The following PTER variants were observed in gnomAD, a reference collection of about 807,000 sequenced individuals.
PTER encodes N-acetyltaurine hydrolase.
PTER carries 38 observed loss-of-function variants against 29.6 expected under a neutral mutation model. The observed-to-expected ratio is 1.28, with a 90% CI of 0.99 to 1.68. PTER has a LOEUF of 1.68. Among genes scored for constraint, PTER ranks in the 40% most tolerant of loss-of-function variants. The probability of loss-of-function intolerance (pLI) is 0.00; values close to 1 mark genes in which losing one functional copy is unlikely to be tolerated. For missense variants in PTER, 482 were observed against 427.8 expected (o/e 1.13, Z -1.12); for synonymous variants, 172 against 154.5 (o/e 1.11, Z -0.84).
chr10:16,451,108 C>T (rs370439154), intron 1 of PTER, among the ~76,000 whole-genome samples: 1 of 152,118 alleles, frequency 6.6e-6, no homozygotes, highest in East Asian at 1.9e-4. Flanking sequence ...TACAAGAGTC[C>T]GAAAGCTGAA....
chr10:16,489,491 T>A (rs1278823670), intron 3 of PTER, among the ~76,000 whole-genome samples: 1 of 152,106 alleles, frequency 6.6e-6, no homozygotes, highest in Admixed American at 6.6e-5. Context: ...TTTTTTGTTG[T>A]AACATCAGAC....
chr10:16,481,612 A>G (rs1257158549), intron 1 of PTER, among the ~76,000 whole-genome samples: 1 of 152,204 alleles, frequency 6.6e-6, no homozygotes, highest in Non-Finnish European at 1.5e-5. Context: ...TGAGAGCATT[A>G]GAGGAATCTC....
intron 3 of PTER, among the ~76,000 whole-genome samples, chr10:16,494,043 A>G (rs982023920): frequency 5.3e-5 from 8 of 152,088 alleles, no homozygotes; most frequent in African/African-American, 1.7e-4. Context: ...ATGAAATGTG[A>G]CATTTTAACA....
chr10:16,462,417 TG>T (rs75180866), intron 1 of PTER, among the ~76,000 whole-genome samples: 7,067 of 152,224 alleles, frequency 0.046, 263 homozygotes, highest in East Asian at 0.17. Context: ...TATATGATGG[TG>T]GCGTTTGTGT....
chr10:16,468,673 G>A (rs1315371932), intron 1 of PTER, among the ~76,000 whole-genome samples: 2 of 152,112 alleles, frequency 1.3e-5, no homozygotes, highest in Non-Finnish European at 2.9e-5. Flanking sequence ...TGATGGAAAA[G>A]ACATAAAACA....
chr10:16,485,976 G>T (rs373023010), intron 2 of PTER, among the ~76,000 whole-genome samples: 2 of 151,980 alleles, frequency 1.3e-5, no homozygotes, highest in Admixed American at 1.3e-4. Flanking sequence ...TGATACACGG[G>T]ACATAGATTC....
At chr10:16,480,280 C>G (rs1835430764) in intron 1 of PTER, among the ~76,000 whole-genome samples, 1 of 151,162 alleles carries the variant, frequency 6.6e-6, no homozygotes, top group Admixed American at 6.6e-5. Context: ...CCCTCCACCT[C>G]CCAGGTTCAA....
At chr10:16,472,621 C>T (rs1404796688) in intron 1 of PTER, among the ~76,000 whole-genome samples, 1 of 152,186 alleles carries the variant, frequency 6.6e-6, no homozygotes, top group Non-Finnish European at 1.5e-5. Flanking sequence ...TACCCAGTCT[C>T]AGTTATATCT....
downstream of PTER, chr10:16,513,883 G>A (rs551628985): frequency 6.4e-6 from 1 of 155,426 alleles, no homozygotes; most frequent in African/African-American, 2.4e-5. Flanking sequence ...CACCAGAAAA[G>A]AGAGAAAAGA....
intron 1 of PTER, among the ~76,000 whole-genome samples, chr10:16,459,821 C>T (rs952865758): frequency 7.2e-5 from 11 of 152,154 alleles, no homozygotes; most frequent in Admixed American, 2.6e-4. Flanking sequence ...CATCTTGGCT[C>T]ACCACAACCT....
chr10:16,477,087 G>A (rs1174011267), intron 1 of PTER, among the ~76,000 whole-genome samples: 1 of 151,876 alleles, frequency 6.6e-6, no homozygotes, highest in Non-Finnish European at 1.5e-5. Flanking sequence ...TGTGTTTTTA[G>A]TAGAGATGGG....
intron 1 of PTER, among the ~76,000 whole-genome samples, chr10:16,440,523 T>G (rs908655427): frequency 2.6e-5 from 4 of 152,252 alleles, no homozygotes; most frequent in Non-Finnish European, 5.9e-5. Context: ...CAAATACCTC[T>G]GTGCCTGCTC....
chr10:16,501,355 A>ACG (rs1318128263), intron 3 of PTER, among the ~76,000 whole-genome samples: 1 of 116,456 alleles, frequency 8.6e-6, no homozygotes, highest in Non-Finnish European at 1.7e-5. Flanking sequence ...ACACACACAC[A>ACG]CACACACACA....
rs142545137 is a variant in PTER at position 16,441,642 on chromosome 10, G to A, written c.-49+4595G>A. On this transcript the variant is annotated intron_variant, in intron 1 of 4. Transcript: ENST00000535784. Reference sequence around the variant, plus strand: ...CAAAGTTCTCCCCTTATTATAGTCAGGCGAGTGATATGATGATGATAAATT... The same window carrying A: ...CAAAGTTCTCCCCTTATTATAGTCAAGCGAGTGATATGATGATGATAAATT... Among the ~76,000 whole-genome samples, 377 of 152,334 alleles carry A rather than the reference G, an allele frequency of 2.5e-3. 3 individuals are homozygous for A. Among genetic ancestry groups the A allele is most frequent in the African/African-American group, 8.5e-3 (354 of 41,578 alleles).
chr10:16,459,639 T>C (rs935524960), intron 1 of PTER, among the ~76,000 whole-genome samples: 1 of 152,230 alleles, frequency 6.6e-6, no homozygotes, highest in African/African-American at 2.4e-5. Flanking sequence ...TGACTCAAAC[T>C]AGTTCTTGCT....
chr10:16,513,852 A>G (rs543399997), downstream of PTER: 1 of 153,476 alleles, frequency 6.5e-6, no homozygotes, highest in African/African-American at 2.4e-5. Context: ...TACACTGTCA[A>G]TCTCTATTTT....
At chr10:16,514,540 A>G, downstream of PTER, 1 of 1,613,506 alleles carries the variant, frequency 6.2e-7, no homozygotes, top group Non-Finnish European at 8.5e-7. Context: ...AGTCAGCATA[A>G]ATAATAAATC....
intron 1 of PTER, among the ~76,000 whole-genome samples, chr10:16,451,745 A>C (rs2133374338): frequency 6.6e-6 from 1 of 152,242 alleles, no homozygotes; most frequent in South Asian, 2.1e-4. Flanking sequence ...AAAATTGGAC[A>C]GTAGTTTTCT....
intron 3 of PTER, 179 bp downstream of exon 3, chr10:16,486,796 T>C: frequency 1.5e-6 from 1 of 683,512 alleles, no homozygotes; most frequent in Non-Finnish European, 2.4e-6. Context: ...ATGCTGCCAT[T>C]TTTGTGTCCC....
Sources: gnomAD v4.1 joint callset for allele counts (sites outside exome capture counted in the v4.1 genomes callset) on GRCh38, gnomAD v4.1.1 for gene constraint, MANE v1.5 for transcripts, NCBI Gene and HGNC (gene_info 2026-07-23, HGNC 2026-07-21) for gene names.